The following DIS3L2 variants were observed in gnomAD, a reference collection of about 807,000 sequenced individuals.
DIS3L2 encodes DIS3-like exonuclease 2.
Under a neutral mutation model 97.5 loss-of-function variants are expected in DIS3L2, and 34 were observed. That is an observed-to-expected ratio of 0.35 (90% CI 0.27 to 0.46). DIS3L2 has a LOEUF of 0.46. Among genes scored for constraint, DIS3L2 ranks in the 20% least tolerant of loss-of-function variants. The pLI, the probability that DIS3L2 is intolerant of heterozygous loss-of-function variation, is 1.00. For synonymous variants in DIS3L2, 435 were observed against 445.2 expected (o/e 0.98, Z 0.29); for missense variants, 1,038 against 1,146.0 (o/e 0.91, Z 1.36).
At position 232,037,957 on chromosome 2, in the gene DIS3L2, G is replaced by A. The variant is rs1240926966; in HGVS notation, c.366+7877G>A. Among the ~76,000 whole-genome samples, 3 of 152,254 alleles carry A rather than the reference G, an allele frequency of 2.0e-5. No homozygotes were observed. In the East Asian group the frequency reaches 5.8e-4, roughly 29 times the overall value. ...TTCTGCGTTGGTCTCACTGGGAGCT[G>A]CAGGCAGAAGCTGTTCCTATTTGAC... On this transcript the variant is annotated intron_variant, in intron 5 of 20. Transcript: ENST00000325385. The surrounding 1 kb of genome is among the most constrained non-coding windows in gnomAD (Gnocchi z 4.6).
chr2:232,232,416 G>A (rs147352957), intron 10 of DIS3L2, among the ~76,000 whole-genome samples: 46 of 152,332 alleles, frequency 3.0e-4, no homozygotes, highest in African/African-American at 1.1e-3. Context: ...ATAGGAGGTT[G>A]TTAGATATTT....
At chr2:232,079,519 G>A (rs1321002174) in intron 5 of DIS3L2, among the ~76,000 whole-genome samples, 2 of 142,504 alleles carry the variant, frequency 1.4e-5, no homozygotes, top group African/African-American at 5.2e-5. Flanking sequence ...AGAATGGTGT[G>A]AACCGGGGAG....
chr2:232,243,312 A>G (rs1043420324), intron 11 of DIS3L2, among the ~76,000 whole-genome samples: 5 of 152,188 alleles, frequency 3.3e-5, no homozygotes, highest in African/African-American at 1.2e-4. Flanking sequence ...TGAGTTGTAG[A>G]GAGAGCCACG....
chr2:232,198,821 TC>T (rs1691822183), intron 9 of DIS3L2: 1 of 152,246 alleles, frequency 6.6e-6, no homozygotes, highest in African/African-American at 2.4e-5. Context: ...AAGTTCTTCT[TC>T]CCCAGATAGC....
intron 9 of DIS3L2, among the ~76,000 whole-genome samples, chr2:232,195,319 CAG>C (rs1404792742): frequency 2.9e-4 from 44 of 152,146 alleles, no homozygotes; most frequent in African/African-American, 9.2e-4. Flanking sequence ...TTAGTCAAGA[CAG>C]GGGAATTACA....
At chr2:232,231,131 A>G (rs1289603552) in intron 10 of DIS3L2, among the ~76,000 whole-genome samples, 3 of 152,098 alleles carry the variant, frequency 2.0e-5, no homozygotes, top group African/African-American at 7.2e-5. Flanking sequence ...TTGTTTGCTC[A>G]TTGCCTTTCT....
intron 3 of DIS3L2, among the ~76,000 whole-genome samples, chr2:232,021,081 T>TA (rs1404639380): frequency 6.6e-6 from 1 of 152,176 alleles, no homozygotes; most frequent in African/African-American, 2.4e-5. Flanking sequence ...GATTGCCAGT[T>TA]AGACTGATTT....
At chr2:232,275,174 T>A (rs1240185938) in intron 13 of DIS3L2, among the ~76,000 whole-genome samples, 2 of 152,172 alleles carry the variant, frequency 1.3e-5, no homozygotes, top group Admixed American at 6.5e-5. Context: ...TCCTCCAATA[T>A]CTCTGGCCCC....
chr2:232,028,476 A>G (rs1459803924), intron 4 of DIS3L2, among the ~76,000 whole-genome samples: 1 of 152,160 alleles, frequency 6.6e-6, no homozygotes, highest in Non-Finnish European at 1.5e-5. Flanking sequence ...TCTGAGGTTC[A>G]ACTCAGCCCT....
At position 232,263,358 on chromosome 2, in the gene DIS3L2, A is replaced by G. The variant is rs749646487; in HGVS notation, c.1577A>G (p.His526Arg). The change falls in exon 13 of 21, where the codon CAC (histidine) becomes CGC (arginine). Residue 526 changes from histidine (H) to arginine (R), a missense_variant. Transcript: ENST00000325385. ...ISPEHSSEEVHQAVLNLHGIA... is the reference protein window; with the variant it reads ...ISPEHSSEEVRQAVLNLHGIA... The stretch of plus-strand genomic sequence containing the variant: ...CCAGAGCATAGCAGCGAGGAGGTAC[A>G]CCAGGCCGTCTTGAATCTCCACGGA... 31 of 1,614,164 alleles carry G rather than the reference A, an allele frequency of 1.9e-5. 1 individual carries two copies. In the South Asian group the frequency reaches 3.3e-4, roughly 17 times the overall value.
At position 231,978,397 on chromosome 2, in the gene DIS3L2, C is replaced by T. The variant is rs1693155804; in HGVS notation, c.-94+16632C>T. ...GTTTTTGACACTAATCAAATGGAAT[C>T]ACAGTGCAGATATTTTTATGTGATT... is the stretch of plus-strand genomic sequence containing the variant. On this transcript the variant is annotated intron_variant, in intron 1 of 20. Transcript: ENST00000325385. 2.6e-5 allele frequency: 4 copies of T among 152,298 alleles called. No homozygotes were observed. The South Asian group carries it at 8.3e-4, about 32-fold the overall frequency. 9.4% of individuals were successfully genotyped at this position (152,298 alleles called of 1,614,324 possible). A position where few individuals can be genotyped will look rare whatever the true frequency, so the allele number is the denominator to read the frequency against.
intron 1 of DIS3L2, among the ~76,000 whole-genome samples, chr2:231,994,467 A>G (rs781597853): frequency 9.9e-5 from 15 of 152,120 alleles, no homozygotes; most frequent in Non-Finnish European, 1.3e-4. Context: ...CAGTTTGGGG[A>G]GAATTGATAT....
chr2:231,979,786 C>T (rs1204041647), intron 1 of DIS3L2, among the ~76,000 whole-genome samples: 9 of 152,048 alleles, frequency 5.9e-5, no homozygotes, highest in Admixed American at 5.9e-4. Flanking sequence ...CCATGTTGGC[C>T]AGGATGGTCT....
At chr2:232,119,270 T>C (rs1697821499) in intron 6 of DIS3L2, among the ~76,000 whole-genome samples, 1 of 152,232 alleles carries the variant, frequency 6.6e-6, no homozygotes, top group Admixed American at 6.5e-5. Flanking sequence ...TCAGATGACT[T>C]AACACCTTTT....
chr2:232,230,573 C>A (rs1030273776), intron 10 of DIS3L2, among the ~76,000 whole-genome samples: 1 of 152,206 alleles, frequency 6.6e-6, no homozygotes, highest in African/African-American at 2.4e-5. Context: ...GGAAGTCCAA[C>A]ATCTGTTCTA....
At chr2:232,126,665 T>C (rs1698071385) in intron 6 of DIS3L2, among the ~76,000 whole-genome samples, 1 of 152,218 alleles carries the variant, frequency 6.6e-6, no homozygotes, top group Non-Finnish European at 1.5e-5. Context: ...CTGAGGGATG[T>C]GGCCTTTTAA....
At chr2:232,296,451 GCT>G (rs1161859129) in intron 13 of DIS3L2, among the ~76,000 whole-genome samples, 1 of 152,176 alleles carries the variant, frequency 6.6e-6, no homozygotes, top group Non-Finnish European at 1.5e-5. Flanking sequence ...ATATGGTTTG[GCT>G]CTGTGTCCCC....
At chr2:232,096,933 T>G (rs935396902) in intron 6 of DIS3L2, among the ~76,000 whole-genome samples, 1 of 152,320 alleles carries the variant, frequency 6.6e-6, no homozygotes, top group South Asian at 2.1e-4. Flanking sequence ...GGTGCCTTAG[T>G]TTGTTTGGTG....
chr2:232,325,867 C>T lies in DIS3L2; in HGVS notation c.1740-3946C>T, dbSNP rs1575020275. ...GAGTGGGGTGACACTAGGGCCAGTG[C>T]CCACATCAGAGGAGGAAGGTATGAG... On this transcript the variant is annotated intron_variant, in intron 14 of 20. Coordinates refer to ENST00000325385, the MANE Select transcript of DIS3L2 (RefSeq NM_152383.5). This position sits in a 1 kb window ranked among gnomAD's most constrained non-coding sequence, Gnocchi z 4.6. 6.6e-6 allele frequency among the ~76,000 whole-genome samples: 1 copy of T among 152,190 alleles called. No homozygotes were observed. The highest frequency in any genetic ancestry group is 6.5e-5 in the Admixed American group (1 of 15,286).
Sources: gnomAD v4.1 joint callset for allele counts (sites outside exome capture counted in the v4.1 genomes callset) on GRCh38, gnomAD v4.1.1 for gene constraint, Gnocchi (gnomAD v3.1) non-coding constraint, MANE v1.5 for transcripts, NCBI Gene and HGNC (gene_info 2026-07-23, HGNC 2026-07-21) for gene names.